The following NRXN3 variants were observed in gnomAD, a reference collection of about 807,000 sequenced individuals.
NRXN3 encodes neurexin III.
NRXN3 carries 32 observed loss-of-function variants against 137.6 expected under a neutral mutation model. That is an observed-to-expected ratio of 0.23 (90% CI 0.18 to 0.31). NRXN3 has a LOEUF of 0.31. Ranked by LOEUF, NRXN3 falls within the 10% of genes least tolerant of loss-of-function variation. The pLI, the probability that NRXN3 is intolerant of heterozygous loss-of-function variation, is 1.00. For missense variants in NRXN3, 1,574 were observed against 2,062.5 expected, an observed-to-expected ratio of 0.76 and a Z score of 4.59; for synonymous variants, 798 against 784.5, an observed-to-expected ratio of 1.02 and a Z score of -0.29.
At chr14:79,197,003 T>G (rs1334650917) in intron 15 of NRXN3, among the ~76,000 whole-genome samples, 1 of 152,164 alleles carries the variant, frequency 6.6e-6, no homozygotes, top group Non-Finnish European at 1.5e-5. Flanking sequence ...AGGTTCAGGT[T>G]ATATAGGCTT....
chr14:78,994,189 T>C (rs1175578544), intron 15 of NRXN3, among the ~76,000 whole-genome samples: 1 of 151,842 alleles, frequency 6.6e-6, no homozygotes, highest in Non-Finnish European at 1.5e-5. Context: ...AAAGCAAACA[T>C]GGTATGGAAG....
At position 79,028,663 on chromosome 14, in the gene NRXN3, G is replaced by A. The variant is rs1242790471; in HGVS notation, c.3262+40522G>A. Among the ~76,000 whole-genome samples, 5 of 152,146 alleles carry A rather than the reference G, an allele frequency of 3.3e-5. No homozygotes were observed. The East Asian group carries it at 5.8e-4, about 18-fold the overall frequency. Reference sequence around the variant, plus strand: ...GATGAGAGAGAATACAAATGTGGACGTAAATAATTTCCAGGTTTCTACAGT... The same window carrying A: ...GATGAGAGAGAATACAAATGTGGACATAAATAATTTCCAGGTTTCTACAGT... On this transcript the variant is annotated intron_variant, in intron 15 of 20. Transcript: ENST00000335750.
intron 19 of NRXN3, among the ~76,000 whole-genome samples, chr14:79,756,262 A>G (rs760765191): frequency 1.3e-5 from 2 of 152,150 alleles, no homozygotes; most frequent in Non-Finnish European, 2.9e-5. Flanking sequence ...TTAATTCTCA[A>G]ACATACTCAG....
At chr14:79,402,705 G>T (rs1234195931) in intron 15 of NRXN3, among the ~76,000 whole-genome samples, 1 of 152,046 alleles carries the variant, frequency 6.6e-6, no homozygotes, top group Non-Finnish European at 1.5e-5. Flanking sequence ...CAAACTAAAG[G>T]GATTGTCGGG....
intron 10 of NRXN3, among the ~76,000 whole-genome samples, chr14:78,952,498 T>C (rs1336192807): frequency 1.3e-5 from 2 of 152,186 alleles, no homozygotes; most frequent in Non-Finnish European, 2.9e-5. Context: ...ATACAATGTG[T>C]GATGCTATGG....
At chr14:79,842,591 G>A (rs1402298390) in intron 20 of NRXN3, among the ~76,000 whole-genome samples, 2 of 152,084 alleles carry the variant, frequency 1.3e-5, no homozygotes, top group African/African-American at 4.8e-5. Context: ...GACTTGATCT[G>A]ATTTTTATTG....
intron 19 of NRXN3, among the ~76,000 whole-genome samples, chr14:79,746,087 C>T (rs887601516): frequency 1.3e-5 from 2 of 152,070 alleles, no homozygotes; most frequent in Non-Finnish European, 2.9e-5. Flanking sequence ...AAATTCAAGC[C>T]ATAACAGGCT....
intron 15 of NRXN3, among the ~76,000 whole-genome samples, chr14:79,017,439 G>A (rs762904674): frequency 4.0e-5 from 6 of 151,536 alleles, no homozygotes; most frequent in Non-Finnish European, 5.9e-5. Flanking sequence ...TCCCCATGCC[G>A]TTATCAACTT....
At chr14:79,689,354 C>G (rs1169552527) in intron 17 of NRXN3, among the ~76,000 whole-genome samples, 1 of 152,054 alleles carries the variant, frequency 6.6e-6, no homozygotes, top group Non-Finnish European at 1.5e-5. Flanking sequence ...GCAAATGAGG[C>G]ATGGGGCAAA....
intron 4 of NRXN3, among the ~76,000 whole-genome samples, chr14:78,569,761 T>C (rs2096872279): frequency 6.6e-6 from 1 of 151,886 alleles, no homozygotes; most frequent in African/African-American, 2.4e-5. Flanking sequence ...GGTTTGACCA[T>C]GCTGGCCAGG....
chr14:79,186,836 C>G (rs2063597272), intron 15 of NRXN3, among the ~76,000 whole-genome samples: 1 of 152,162 alleles, frequency 6.6e-6, no homozygotes, highest in African/African-American at 2.4e-5. Context: ...ACGGGTCAAA[C>G]ATTTAAGGCC....
intron 4 of NRXN3, among the ~76,000 whole-genome samples, chr14:78,622,704 G>A (rs1158744988): frequency 1.3e-5 from 2 of 152,252 alleles, no homozygotes; most frequent in African/African-American, 4.8e-5. Flanking sequence ...AGTAGGAGAA[G>A]CACTCAGGGT....
rs147948586 is a variant in NRXN3 at position 78,922,498 on chromosome 14, G to T, written c.2276-34744G>T. On this transcript the variant is annotated intron_variant, in intron 10 of 20. Coordinates refer to ENST00000335750, the MANE Select transcript of NRXN3 (RefSeq NM_001330195.2). ...GTCAGATCAAGTTTACGCTGTGTAT[G>T]GGCCTTCGTCCAATTTAGATGCAGA... 2.6e-5 allele frequency among the ~76,000 whole-genome samples: 4 copies of T among 152,230 alleles called. No homozygotes were observed. The East Asian group carries it at 7.7e-4, about 29-fold the overall frequency.
intron 10 of NRXN3, among the ~76,000 whole-genome samples, chr14:78,927,317 A>G (rs952453796): frequency 6.6e-6 from 1 of 151,834 alleles, no homozygotes; most frequent in Non-Finnish European, 1.5e-5. Flanking sequence ...TGAGTCCTAC[A>G]GAACATTCTG....
chr14:79,433,779 C>T (rs1455005019), intron 15 of NRXN3, among the ~76,000 whole-genome samples: 1 of 152,178 alleles, frequency 6.6e-6, no homozygotes, highest in Non-Finnish European at 1.5e-5. Flanking sequence ...TATATCTGGT[C>T]TAGATGGGTC....
chr14:79,436,428 A>G (rs1323711546), intron 15 of NRXN3, among the ~76,000 whole-genome samples: 4 of 152,194 alleles, frequency 2.6e-5, no homozygotes, highest in Non-Finnish European at 5.9e-5. Flanking sequence ...GCTTTGCTGT[A>G]TAGAGGTCCA....
intron 15 of NRXN3, among the ~76,000 whole-genome samples, chr14:79,387,706 A>G (rs895920854): frequency 1.3e-5 from 2 of 151,964 alleles, no homozygotes; most frequent in Non-Finnish European, 2.9e-5. Flanking sequence ...AACCAAGCCA[A>G]ATGTCCAACA....
At chr14:79,120,814 T>C (rs2152921717) in intron 15 of NRXN3, among the ~76,000 whole-genome samples, 1 of 152,318 alleles carries the variant, frequency 6.6e-6, no homozygotes, top group South Asian at 2.1e-4. Context: ...ATAGTGAATC[T>C]TGCATACACA....
At position 78,334,248 on chromosome 14, in the gene NRXN3, G is replaced by T. The variant is rs1214809637; in HGVS notation, c.757+36388G>T. Among the ~76,000 whole-genome samples the T allele has an allele frequency of 3.9e-5, 6 of 152,226 alleles. No homozygotes were observed. In the East Asian group the frequency reaches 1.2e-3, roughly 29 times the overall value. Reference sequence around the variant, plus strand: ...TTTGAGCTTACAGTTCAGGGGAGAGGGTCAGGCTGGAGATATACACTTGAG... The same window carrying T: ...TTTGAGCTTACAGTTCAGGGGAGAGTGTCAGGCTGGAGATATACACTTGAG... On this transcript the variant is annotated intron_variant, in intron 4 of 20. Coordinates refer to ENST00000335750, the MANE Select transcript of NRXN3 (RefSeq NM_001330195.2).
Sources: allele counts gnomAD v4.1 joint callset (sites outside exome capture counted in the v4.1 genomes callset), GRCh38; gene constraint gnomAD v4.1.1; transcripts MANE v1.5; gene names NCBI Gene and HGNC (gene_info 2026-07-23, HGNC 2026-07-21).